Variants in DLGAP1 observed in about 807,000 individuals in gnomAD.
The protein encoded by DLGAP1 is DLG associated protein 1.
In DLGAP1, 11 loss-of-function variants were observed where a neutral mutation model predicts 90.8. The ratio of observed to expected loss-of-function variants is 0.12; its 90% CI spans 0.08 to 0.20. The LOEUF is 0.20. Ranked by LOEUF, DLGAP1 falls within the 10% of genes least tolerant of loss-of-function variation. The pLI is 1.00. For synonymous variants in DLGAP1, 558 were observed against 540.7 expected (o/e 1.03, Z -0.44); for missense variants, 1,050 against 1,333.8 (o/e 0.79, Z 3.31).
intron 2 of DLGAP1, among the ~76,000 whole-genome samples, chr18:4,127,887 A>G (rs1217793666): frequency 1.3e-5 from 2 of 152,188 alleles, no homozygotes; most frequent in Admixed American, 6.5e-5. Context: ...TAAAACATTC[A>G]TTTTACATGG....
chr18:4,392,387 T>G (rs2082357119), intron 1 of DLGAP1, among the ~76,000 whole-genome samples: 1 of 152,142 alleles, frequency 6.6e-6, no homozygotes, highest in Admixed American at 6.5e-5. Context: ...ACACCAGAAT[T>G]TTCCCATGAA....
intron 3 of DLGAP1, among the ~76,000 whole-genome samples, chr18:4,004,538 T>G (rs2074261995): frequency 6.6e-6 from 1 of 152,128 alleles, no homozygotes; most frequent in South Asian, 2.1e-4. Context: ...TACTAGACTA[T>G]TCACTGATCA....
chr18:4,277,602 C>A (rs997032777), intron 1 of DLGAP1, among the ~76,000 whole-genome samples: 1 of 152,098 alleles, frequency 6.6e-6, no homozygotes, highest in African/African-American at 2.4e-5. Flanking sequence ...TTAAAGTTCC[C>A]TTTAATATTC....
intron 1 of DLGAP1, among the ~76,000 whole-genome samples, chr18:4,257,885 A>G (rs1206532497): frequency 6.6e-6 from 1 of 151,390 alleles, no homozygotes; most frequent in African/African-American, 2.4e-5. Flanking sequence ...TCGGCTTCCC[A>G]AAGTGCTGGG....
At chr18:3,921,767 C>T (rs910569856) in intron 3 of DLGAP1, among the ~76,000 whole-genome samples, 3 of 152,086 alleles carry the variant, frequency 2.0e-5, no homozygotes, top group Non-Finnish European at 4.4e-5. Context: ...CTGAGCTCTG[C>T]TATGGAGGTA....
rs116118788 is a variant in DLGAP1, at chr18:3,631,887, G to A, written c.1592-49639C>T. On this transcript the variant is annotated intron_variant, in intron 7 of 12. Coordinates refer to ENST00000315677, the MANE Select transcript of DLGAP1 (RefSeq NM_004746.4). ...CAACCTCGACCTCCCAGGCTCAAGCGATCATCTTATCTCAGCCTTCTGAGT... is the reference window on the plus strand; with the variant it reads ...CAACCTCGACCTCCCAGGCTCAAGCAATCATCTTATCTCAGCCTTCTGAGT... Among the ~76,000 whole-genome samples, 677 of 152,236 alleles carry A rather than the reference G, an allele frequency of 4.4e-3. 1 individual carries two copies. Among genetic ancestry groups the A allele is most frequent in the African/African-American group, 0.016 (653 of 41,534 alleles).
intron 2 of DLGAP1, among the ~76,000 whole-genome samples, chr18:4,020,311 G>C (rs1289159686): frequency 6.6e-6 from 1 of 152,094 alleles, no homozygotes; most frequent in Non-Finnish European, 1.5e-5. Context: ...TGGTTGTGAG[G>C]GGCCTTTGAA....
intron 5 of DLGAP1, among the ~76,000 whole-genome samples, chr18:3,773,514 G>T (rs914159668): frequency 6.6e-6 from 1 of 152,190 alleles, no homozygotes; most frequent in South Asian, 2.1e-4. Context: ...ATTCATGCAA[G>T]AATTGAGCAA....
At chr18:4,304,273 T>TA (rs59979355) in intron 1 of DLGAP1, among the ~76,000 whole-genome samples, 5,225 of 152,292 alleles carry the variant, frequency 0.034, 320 homozygotes, top group African/African-American at 0.12. Context: ...TTGTACACTT[T>TA]AAGATTGTTA....
intron 9 of DLGAP1, among the ~76,000 whole-genome samples, chr18:3,536,971 C>A (rs533898238): frequency 6.6e-6 from 1 of 152,072 alleles, no homozygotes; most frequent in East Asian, 1.9e-4. Flanking sequence ...AGACAGGAAA[C>A]AATGACGGAA....
intron 1 of DLGAP1, among the ~76,000 whole-genome samples, chr18:4,264,293 C>T (rs932329004): frequency 2.0e-5 from 3 of 152,220 alleles, no homozygotes; most frequent in Non-Finnish European, 4.4e-5. Flanking sequence ...CATCCTCTTC[C>T]TCTAAGCCAG....
Position 3,680,129 on chromosome 18 carries a change from G to A in DLGAP1, c.1591+49006C>T, listed in dbSNP as rs553555767. 7 of 152,320 alleles carry A rather than the reference G, an allele frequency of 4.6e-5. No individual in the cohort carries two copies. The East Asian group carries it at 7.7e-4, about 17-fold the overall frequency. 9.4% of individuals were successfully genotyped at this position (152,320 alleles called of 1,614,324 possible). On this transcript the variant is annotated intron_variant, in intron 7 of 12. Coordinates refer to ENST00000315677, the MANE Select transcript of DLGAP1 (RefSeq NM_004746.4). ...TCTGTGTGGCCCTCCTCTCTCTAACGGTTGGCAAAATGGTGATAGGCCAGT... is the reference window on the plus strand; with the variant it reads ...TCTGTGTGGCCCTCCTCTCTCTAACAGTTGGCAAAATGGTGATAGGCCAGT...
intron 1 of DLGAP1, chr18:4,430,692 T>C (rs12456734): frequency 0.34 from 51,672 of 152,060 alleles, 8,879 homozygotes; most frequent in African/African-American, 0.38. Context: ...TGATGGCAAC[T>C]GTTGTGGTAT....
intron 1 of DLGAP1, among the ~76,000 whole-genome samples, chr18:4,192,216 T>C (rs1382502890): frequency 6.6e-6 from 1 of 152,146 alleles, no homozygotes; most frequent in Non-Finnish European, 1.5e-5. Context: ...CAGAAAAGCA[T>C]TTAAATAAAA....
intron 4 of DLGAP1, among the ~76,000 whole-genome samples, chr18:3,829,943 C>G (rs1180230152): frequency 6.6e-6 from 1 of 152,114 alleles, no homozygotes; most frequent in African/African-American, 2.4e-5. Flanking sequence ...GATGGGCAGA[C>G]AGGGCCGCTG....
At chr18:3,916,840 C>G (rs563139376) in intron 3 of DLGAP1, among the ~76,000 whole-genome samples, 7 of 152,262 alleles carry the variant, frequency 4.6e-5, no homozygotes, top group African/African-American at 1.2e-4. Flanking sequence ...TAGGAAGAAA[C>G]AGCATAGAGA....
intron 1 of DLGAP1, among the ~76,000 whole-genome samples, chr18:4,189,271 C>T (rs183419180): frequency 6.6e-6 from 1 of 151,910 alleles, no homozygotes; most frequent in African/African-American, 2.4e-5. Context: ...ATTTTTATTT[C>T]ATTAGGTCCT....
intron 6 of DLGAP1, among the ~76,000 whole-genome samples, chr18:3,738,260 AT>A (rs1462904163): frequency 6.8e-6 from 1 of 147,674 alleles, no homozygotes; most frequent in Non-Finnish European, 1.5e-5. Context: ...TCTTCACAGA[AT>A]TGGAAAAAAC....
chr18:3,826,648 G>A (rs1329261440), intron 4 of DLGAP1, among the ~76,000 whole-genome samples: 3 of 152,178 alleles, frequency 2.0e-5, no homozygotes, highest in Admixed American at 2.0e-4. Flanking sequence ...ACAGTGATTT[G>A]GGGAGTGTGG....
Sources: allele counts gnomAD v4.1 joint callset (sites outside exome capture counted in the v4.1 genomes callset), GRCh38; gene constraint gnomAD v4.1.1; transcripts MANE v1.5; gene names NCBI Gene and HGNC (gene_info 2026-07-23, HGNC 2026-07-21).